AUTS2: variants seen among roughly 807,000 people sequenced by gnomAD.
AUTS2 encodes the protein activator of transcription and developmental regulator AUTS2, also known as autism susceptibility gene 2 protein.
In AUTS2, 17 loss-of-function variants were observed where a neutral mutation model predicts 112.4. The observed-to-expected ratio is 0.15, with a 90% CI of 0.10 to 0.23. The LOEUF is 0.23. Among genes scored for constraint, AUTS2 ranks in the 10% least tolerant of loss-of-function variants. The probability of loss-of-function intolerance (pLI) is 1.00; values close to 1 mark genes in which losing one functional copy is unlikely to be tolerated. For synonymous variants in AUTS2, 751 were observed against 702.7 expected, an observed-to-expected ratio of 1.07 and a Z score of -1.09; for missense variants, 1,510 against 1,701.6, an observed-to-expected ratio of 0.89 and a Z score of 1.98.
intron 2 of AUTS2, among the ~76,000 whole-genome samples, chr7:70,041,863 T>A (rs892729838): frequency 6.6e-6 from 1 of 152,186 alleles, no homozygotes; most frequent in Non-Finnish European, 1.5e-5. Context: ...TTTATTATCT[T>A]TTTTTGCTAG....
intron 5 of AUTS2, among the ~76,000 whole-genome samples, chr7:70,482,359 G>T (rs1196546692): frequency 1.3e-5 from 2 of 152,236 alleles, no homozygotes; most frequent in East Asian, 3.9e-4. Context: ...TTGAAAAGGT[G>T]GGGAGGATCC....
chr7:69,792,233 T>TG (rs1378616958), intron 1 of AUTS2, among the ~76,000 whole-genome samples: 37 of 68,448 alleles, frequency 5.4e-4, no homozygotes, highest in African/African-American at 1.7e-3. Flanking sequence ...TAAGTTGTTG[T>TG]TTTTTTTTTG....
chr7:70,637,543 C>A (rs940156579), intron 5 of AUTS2, among the ~76,000 whole-genome samples: 1 of 152,184 alleles, frequency 6.6e-6, no homozygotes, highest in Non-Finnish European at 1.5e-5. Flanking sequence ...AACAGGTGTT[C>A]ATTTTGGGCA....
chr7:70,197,177 A>G (rs903480436), intron 4 of AUTS2, among the ~76,000 whole-genome samples: 1 of 152,064 alleles, frequency 6.6e-6, no homozygotes, highest in Non-Finnish European at 1.5e-5. Context: ...TTGGCTCTTG[A>G]ACAACAACTA....
At chr7:69,934,866 C>G (rs949214292) in intron 2 of AUTS2, among the ~76,000 whole-genome samples, 1 of 152,162 alleles carries the variant, frequency 6.6e-6, no homozygotes, top group African/African-American at 2.4e-5. Flanking sequence ...TGCCAGGGCC[C>G]CAAACTGATG....
At chr7:70,773,877 T>C (rs1790519538) in intron 11 of AUTS2, 151 bp from the exon 12 acceptor site, 2 of 714,098 alleles carry the variant, frequency 2.8e-6, no homozygotes, top group South Asian at 1.7e-5. Flanking sequence ...AGAAAGAGCA[T>C]GTGTGGTCCC....
At chr7:70,479,948 G>T (rs1797726187) in intron 5 of AUTS2, among the ~76,000 whole-genome samples, 1 of 152,158 alleles carries the variant, frequency 6.6e-6, no homozygotes, top group Admixed American at 6.5e-5. Context: ...ATTTTTTTAG[G>T]TCTTCTTGTG....
intron 5 of AUTS2, among the ~76,000 whole-genome samples, chr7:70,485,613 C>G (rs1797961052): frequency 6.6e-6 from 1 of 151,822 alleles, no homozygotes. Context: ...CCCCAAAAAA[C>G]TATTGCATTT....
At chr7:69,721,622 C>T (rs1798947849) in intron 1 of AUTS2, among the ~76,000 whole-genome samples, 2 of 152,160 alleles carry the variant, frequency 1.3e-5, no homozygotes, top group African/African-American at 4.8e-5. Context: ...AGGACTCAGT[C>T]CTTGTCCTGT....
At chr7:70,219,384 A>G (rs1210325914) in intron 4 of AUTS2, among the ~76,000 whole-genome samples, 1 of 152,214 alleles carries the variant, frequency 6.6e-6, no homozygotes, top group African/African-American at 2.4e-5. Flanking sequence ...GCGTTCTCCA[A>G]TAAAAGCAAG....
chr7:70,500,430 A>G (rs951567270), intron 5 of AUTS2, among the ~76,000 whole-genome samples: 1 of 152,208 alleles, frequency 6.6e-6, no homozygotes, highest in South Asian at 2.1e-4. Flanking sequence ...TGAGCACCAC[A>G]TGGAGAATGT....
intron 2 of AUTS2, among the ~76,000 whole-genome samples, chr7:69,972,926 T>TAGTA (rs1797913344): frequency 6.6e-6 from 1 of 152,156 alleles, no homozygotes; most frequent in Non-Finnish European, 1.5e-5. Flanking sequence ...TAAGATAAAA[T>TAGTA]AGTACCTGTG....
chr7:70,414,062 A>C (rs1413348001), intron 4 of AUTS2, among the ~76,000 whole-genome samples: 2 of 152,200 alleles, frequency 1.3e-5, no homozygotes, highest in African/African-American at 2.4e-5. Context: ...TTTGAATGCT[A>C]AGGAGCTGCG....
chr7:70,455,561 A>G (rs760343617), intron 5 of AUTS2, among the ~76,000 whole-genome samples: 31 of 152,292 alleles, frequency 2.0e-4, no homozygotes, highest in Admixed American at 2.6e-4. Context: ...ACCTGGCTAC[A>G]CATCACAGTC....
rs559760729 is a variant in AUTS2 at position 70,451,245 on chromosome 7, T to C, written c.690+15464T>C. ...GGGAAGGTAGGGAGGAAGGCAAGAG[T>C]TGAATAACTATTGGGTACCATGCTC... On this transcript the variant is annotated intron_variant, in intron 5 of 18. Coordinates refer to ENST00000342771, the MANE Select transcript of AUTS2 (RefSeq NM_015570.4). Among the ~76,000 whole-genome samples the C allele has an allele frequency of 5.5e-4, 83 of 151,976 alleles. 2 individuals carry two copies. The highest frequency in any genetic ancestry group is 5.3e-3 in the Admixed American group (81 of 15,254).
chr7:70,003,512 T>A lies in AUTS2; in HGVS notation c.522+104014T>A, dbSNP rs867174310. Among the ~76,000 whole-genome samples, 108 of 56,620 alleles carry A rather than the reference T, an allele frequency of 1.9e-3. 1 individual carries two copies. The highest frequency in any genetic ancestry group is 7.3e-3 in the South Asian group (14 of 1,910). 37.1% of individuals were successfully genotyped at this position (56,620 alleles called of 152,430 possible). On this transcript the variant is annotated intron_variant, in intron 2 of 18. Transcript: ENST00000342771. ...AATATATATGAATATGTTATATATG[T>A]ATATATAATATATATGAATATGTTA...
At chr7:69,642,933 A>C (rs1025963844) in intron 1 of AUTS2, among the ~76,000 whole-genome samples, 1 of 152,162 alleles carries the variant, frequency 6.6e-6, no homozygotes, top group African/African-American at 2.4e-5. Flanking sequence ...AGTCAGGAGG[A>C]GTCTGGGCAC....
At position 70,577,808 on chromosome 7, in the gene AUTS2, GTTTTTTTTTAATTTTTTTCTTTAT is replaced by G. The variant is rs772510630; in HGVS notation, c.691-120750_691-120727del. Among the ~76,000 whole-genome samples, 447 of 151,164 alleles carry G rather than the reference GTTTTTTTTTAATTTTTTTCTTTAT, an allele frequency of 3.0e-3. 6 individuals are homozygous for G. Among genetic ancestry groups the G allele is most frequent in the African/African-American group, 1.0e-2 (410 of 41,132 alleles). On this transcript the variant is annotated intron_variant, in intron 5 of 18. Coordinates refer to ENST00000342771, the MANE Select transcript of AUTS2 (RefSeq NM_015570.4). ...TTTTTGTTCATATGTGTTTTATTGG[GTTTTTTTTTAATTTTTTTCTTTAT>G]TTTTTTTTTATTTTTTGAGATGGAG...
At chr7:69,678,974 C>T (rs906426915) in intron 1 of AUTS2, among the ~76,000 whole-genome samples, 3 of 152,136 alleles carry the variant, frequency 2.0e-5, no homozygotes, top group Non-Finnish European at 2.9e-5. Context: ...CAAAGGAAGG[C>T]CTGTCTCTAG....
Sources: gnomAD v4.1 joint callset for allele counts (sites outside exome capture counted in the v4.1 genomes callset) on GRCh38, gnomAD v4.1.1 for gene constraint, MANE v1.5 for transcripts, NCBI Gene and HGNC (gene_info 2026-07-23, HGNC 2026-07-21) for gene names.